The following PDGFD variants were observed in gnomAD, a reference collection of about 807,000 sequenced individuals.
The protein encoded by PDGFD is platelet-derived growth factor D.
A neutral mutation model predicts 44.7 loss-of-function variants in PDGFD; 30 were observed. The observed-to-expected ratio is 0.67, with a 90% CI of 0.50 to 0.91. PDGFD has a LOEUF of 0.91. Among genes scored for constraint, PDGFD ranks in the 40% least tolerant of loss-of-function variants. The pLI is 0.00. For missense variants in PDGFD, 445 were observed against 457.8 expected, an observed-to-expected ratio of 0.97 and a Z score of 0.25; for synonymous variants, 173 against 168.4, an observed-to-expected ratio of 1.03 and a Z score of -0.21.
chr11:104,050,291 C>T (rs1433248617), intron 1 of PDGFD, among the ~76,000 whole-genome samples: 1 of 152,026 alleles, frequency 6.6e-6, no homozygotes, highest in Non-Finnish European at 1.5e-5. Context: ...CCAGACTGTT[C>T]TGCTCTATTT....
chr11:104,136,599 G>A (rs538103871), intron 1 of PDGFD, among the ~76,000 whole-genome samples: 31 of 152,078 alleles, frequency 2.0e-4, no homozygotes, highest in African/African-American at 6.0e-4. Flanking sequence ...CTAACTATAC[G>A]CACGTATTGC....
intron 1 of PDGFD, among the ~76,000 whole-genome samples, chr11:104,153,622 A>G (rs1862271250): frequency 6.6e-6 from 1 of 152,178 alleles, no homozygotes; most frequent in Non-Finnish European, 1.5e-5. Context: ...TGGAAGAACA[A>G]AAACAAAAAG....
intron 1 of PDGFD, among the ~76,000 whole-genome samples, chr11:104,002,418 C>A (rs1489245133): frequency 6.6e-6 from 1 of 152,030 alleles, no homozygotes; most frequent in Non-Finnish European, 1.5e-5. Context: ...GTGTGGCGGT[C>A]CCCTGCAACC....
intron 5 of PDGFD, among the ~76,000 whole-genome samples, chr11:103,929,249 G>C (rs1224055444): frequency 6.6e-6 from 1 of 152,164 alleles, no homozygotes; most frequent in Non-Finnish European, 1.5e-5. Flanking sequence ...CATAGTCTCT[G>C]TCACTTTAAG....
intron 1 of PDGFD, among the ~76,000 whole-genome samples, chr11:104,127,685 A>G (rs1224609245): frequency 6.6e-6 from 1 of 152,144 alleles, no homozygotes; most frequent in African/African-American, 2.4e-5. Context: ...TATGTGCTAA[A>G]CAGTGGTATG....
At chr11:103,988,446 G>C (rs1439334560) in intron 3 of PDGFD, among the ~76,000 whole-genome samples, 1 of 151,992 alleles carries the variant, frequency 6.6e-6, no homozygotes, top group African/African-American at 2.4e-5. Flanking sequence ...TCAGCAACCA[G>C]GGTTTATGAA....
At chr11:103,989,096 T>C (rs1453647755) in intron 3 of PDGFD, among the ~76,000 whole-genome samples, 1 of 152,126 alleles carries the variant, frequency 6.6e-6, no homozygotes, top group East Asian at 1.9e-4. Context: ...ATAATTTCTA[T>C]AAGGGCAGGA....
chr11:104,151,626 T>A (rs936767870), intron 1 of PDGFD, among the ~76,000 whole-genome samples: 1 of 152,154 alleles, frequency 6.6e-6, no homozygotes, highest in South Asian at 2.1e-4. Flanking sequence ...ATTAAAAAAT[T>A]AAGGCATACT....
At chr11:103,991,945 G>A (rs1388975359) in intron 3 of PDGFD, among the ~76,000 whole-genome samples, 1 of 152,000 alleles carries the variant, frequency 6.6e-6, no homozygotes, top group African/African-American at 2.4e-5. Context: ...CTACCGGGGG[G>A]AGCCTTGTAA....
chr11:104,028,971 T>C (rs553763745), intron 1 of PDGFD, among the ~76,000 whole-genome samples: 1 of 152,310 alleles, frequency 6.6e-6, no homozygotes, highest in East Asian at 1.9e-4. Context: ...TTAGTTCCTG[T>C]CCTCTGGAGG....
At chr11:104,059,432 T>C (rs1860675708) in intron 1 of PDGFD, among the ~76,000 whole-genome samples, 1 of 152,328 alleles carries the variant, frequency 6.6e-6, no homozygotes, top group South Asian at 2.1e-4. Flanking sequence ...TTTGATAAAC[T>C]AAATACAAAG....
chr11:103,961,930 C>G (rs531200510), intron 3 of PDGFD, among the ~76,000 whole-genome samples: 1 of 152,134 alleles, frequency 6.6e-6, no homozygotes, highest in Non-Finnish European at 1.5e-5. Flanking sequence ...GTTAATATAG[C>G]CACATCTTCA....
chr11:104,140,140 T>G (rs1339639577), intron 1 of PDGFD, among the ~76,000 whole-genome samples: 2 of 152,148 alleles, frequency 1.3e-5, no homozygotes, highest in Non-Finnish European at 2.9e-5. Context: ...AATACCAGTA[T>G]AGAGAACTAT....
intron 1 of PDGFD, among the ~76,000 whole-genome samples, chr11:104,106,727 C>T (rs1861476075): frequency 6.6e-6 from 1 of 151,092 alleles, no homozygotes; most frequent in Non-Finnish European, 1.5e-5. Context: ...CCTCAGTGAC[C>T]CACGCCTTTG....
At chr11:103,926,245 G>A (rs76383322) in intron 6 of PDGFD, among the ~76,000 whole-genome samples, 3,879 of 152,242 alleles carry the variant, frequency 0.025, 171 homozygotes, top group African/African-American at 0.088. Flanking sequence ...GGTGCTAAAT[G>A]AGCTAATGAT....
At chr11:104,016,525 C>T (rs1043846755) in intron 1 of PDGFD, among the ~76,000 whole-genome samples, 3 of 152,226 alleles carry the variant, frequency 2.0e-5, no homozygotes, top group Non-Finnish European at 2.9e-5. Flanking sequence ...TGGACCCACA[C>T]AAAGTTCTCC....
At chr11:103,956,921 T>C (rs1858860149) in intron 3 of PDGFD, among the ~76,000 whole-genome samples, 1 of 152,220 alleles carries the variant, frequency 6.6e-6, no homozygotes, top group Admixed American at 6.5e-5. Flanking sequence ...TTTTTTCTTG[T>C]AAATTTGTTT....
At chr11:104,131,048 T>G (rs1861912389) in intron 1 of PDGFD, among the ~76,000 whole-genome samples, 1 of 152,194 alleles carries the variant, frequency 6.6e-6, no homozygotes, top group South Asian at 2.1e-4. Context: ...TATGTCACCT[T>G]GTACAAACAT....
intron 1 of PDGFD, among the ~76,000 whole-genome samples, chr11:104,046,717 C>G (rs573140904): frequency 1.4e-5 from 2 of 147,226 alleles, no homozygotes; most frequent in East Asian, 3.9e-4. Context: ...AGTATCTACT[C>G]TCAGTGATTC....
Sources: allele counts gnomAD v4.1 joint callset (sites outside exome capture counted in the v4.1 genomes callset), GRCh38; gene constraint gnomAD v4.1.1; transcripts MANE v1.5; gene names NCBI Gene and HGNC (gene_info 2026-07-23, HGNC 2026-07-21).